TAS1R3: variants seen among roughly 807,000 people sequenced by gnomAD.
TAS1R3 encodes the protein taste receptor type 1 member 3.
A neutral mutation model predicts 46.1 loss-of-function variants in TAS1R3; 58 were observed. That is an observed-to-expected ratio of 1.26 (90% CI 1.02 to 1.57). TAS1R3 has a LOEUF of 1.57. Ranked by LOEUF, TAS1R3 falls within the 40% of genes most tolerant of loss-of-function variation. The probability of loss-of-function intolerance (pLI) is 0.00; values close to 1 mark genes in which losing one functional copy is unlikely to be tolerated. For synonymous variants in TAS1R3, 724 were observed against 544.7 expected (o/e 1.33, Z -4.58); for missense variants, 1,422 against 1,185.8 (o/e 1.20, Z -2.93).
In TAS1R3 at chr1:1,331,554, C is replaced by T. The variant is rs1216730520; in HGVS notation, c.191+18C>T. The T allele has an allele frequency of 1.9e-6, 3 of 1,597,496 alleles. No homozygotes were observed. The African/African-American group carries it at 4.0e-5, about 21-fold the overall frequency. On this transcript the variant is annotated intron_variant, in intron 1 of 5. Transcript: ENST00000339381. ...TGCACCAGGTACAGAGGTGGGACGG[C>T]CTGGGTCGGGGTCAGGGTGACCAGG... is the stretch of plus-strand genomic sequence containing the variant.
In TAS1R3 at chr1:1,331,457, G is replaced by T; in HGVS notation, c.112G>T (p.Gly38Trp). 6.2e-7 allele frequency: 1 copy of T among 1,605,804 alleles called. No homozygotes were observed. The stretch of plus-strand genomic sequence containing the variant: ...TAGGATGAAGGGGGACTACGTGCTG[G>T]GGGGGCTGTTCCCCCTGGGCGAGGC... ...QLRMKGDYVL[G>W]GLFPLGEAEE... is the part of the protein sequence containing the mutation. The change falls in exon 1 of 6, where the codon GGG (glycine) becomes TGG (tryptophan). Residue 38 changes from glycine (G) to tryptophan (W), a missense_variant. Gly to Trp is a radical substitution (Grantham distance 184). Coordinates refer to ENST00000339381, the MANE Select transcript of TAS1R3 (RefSeq NM_152228.3).
In TAS1R3 at chr1:1,333,096, A is replaced by T; in HGVS notation, c.1451A>T (p.Lys484Met). The change falls in exon 4 of 6, where the codon AAG becomes ATG. Residue 484 changes from lysine (K) to methionine (M), a missense_variant. Transcript: ENST00000339381. ...GGCAGCCTCAGGACAGAGCGCCTGA[A>T]GATCCGCTGGCACACGTCTGACAAC... ...FNGSLRTERL[K>M]IRWHTSDNQK... 1 of 1,612,286 alleles carries T rather than the reference A, an allele frequency of 6.2e-7. No individual in the cohort carries two copies. The highest frequency in any genetic ancestry group is 1.1e-5 in the South Asian group (1 of 91,074).
intron 5 of TAS1R3, 51 bp downstream of exon 5, chr1:1,333,430 C>T (rs1363675401): frequency 1.2e-6 from 2 of 1,607,914 alleles, no homozygotes; most frequent in Non-Finnish European, 1.7e-6. Context: ...GGGGAGGGTC[C>T]TGCCAAGTCC....
At position 1,332,720 on chromosome 1, in the gene TAS1R3, G is replaced by A. The variant is rs1643458539; in HGVS notation, c.1189G>A (p.Val397Met). The A allele has an allele frequency of 1.2e-6, 2 of 1,604,268 alleles. No individual in the cohort carries two copies. Among genetic ancestry groups the A allele is most frequent in the South Asian group, 1.1e-5 (1 of 91,040 alleles). ...CCAGACGTTCTCTGTCTACGCAGCT[G>A]TGTATAGCGTGGCCCAGGCCCTGCA... ...HHQTFSVYAA[V>M]YSVAQALHNT... The change falls in exon 3 of 6, where the codon GTG (valine) becomes ATG (methionine). Residue 397 changes from valine to methionine, a missense_variant. Coordinates refer to ENST00000339381, the MANE Select transcript of TAS1R3 (RefSeq NM_152228.3).
At position 1,333,931 on chromosome 1, in the gene TAS1R3, C is replaced by G; in HGVS notation, c.2026C>G (p.Leu676Val). The G allele has an allele frequency of 6.2e-7, 1 of 1,601,130 alleles. No homozygotes were observed. The highest frequency in any genetic ancestry group is 8.5e-7 in the Non-Finnish European group (1 of 1,179,786). The change falls in exon 6 of 6, where the codon CTG becomes GTG. Residue 676 changes from leucine to valine, a missense_variant. By Grantham distance (32) the Leu-to-Val change is conservative (BLOSUM62 1). Transcript: ENST00000339381. Reference protein sequence around the residue: ...LSWADRLSGCLRGPWAWLVVL... With the variant: ...LSWADRLSGCVRGPWAWLVVL... ...CTGGGCAGACCGGCTGAGTGGCTGC[C>G]TGCGGGGGCCCTGGGCCTGGCTGGT...
rs200330269 is a variant in TAS1R3 at position 1,331,945 on chromosome 1, G to GCCCCCCCCCCCTCCCCCC, written c.492+13_492+14insCCCCCTCCCCCCCCCCCC. 6.2e-7 allele frequency: 1 copy of GCCCCCCCCCCCTCCCCCC among 1,606,518 alleles called. No homozygotes were observed. Among genetic ancestry groups the GCCCCCCCCCCCTCCCCCC allele is most frequent in the African/African-American group, 1.4e-5 (1 of 73,366 alleles). ...CTTCTTCCTCATGCCCCAGGTGGGCGCCCCCCACCATCACCCACCCCCACC... is the reference window on the plus strand; with the variant it reads ...CTTCTTCCTCATGCCCCAGGTGGGCGCCCCCCCCCCCTCCCCCCCCCCCCACCATCACCCACCCCCACC... On this transcript the variant is annotated splice_region_variant and intron_variant, in intron 2 of 5. Coordinates refer to ENST00000339381, the MANE Select transcript of TAS1R3 (RefSeq NM_152228.3).
At position 1,333,672 on chromosome 1, in the gene TAS1R3, G is replaced by A. The variant is rs753694452; in HGVS notation, c.1767G>A (p.Leu589=). 1.2e-6 allele frequency: 2 copies of A among 1,611,954 alleles called. No homozygotes were observed. Among genetic ancestry groups the A allele is most frequent in the African/African-American group, 1.3e-5 (1 of 74,948 alleles). The change falls in exon 6 of 6, where the codon CTG becomes CTA. Residue 589 remains leucine, a synonymous_variant. Transcript: ENST00000339381. ...GCCTTGTGCTGGCTGCTTTGGGGCT[G>A]TTCGTTCACCATCGGGACAGCCCAC... ...ALGLVLAALG[L]FVHHRDSPLV... is the part of the protein sequence containing the mutation.
rs558380059 is a variant in TAS1R3 at position 1,333,279 on chromosome 1, G to A, written c.1500G>A (p.Ser500=). The change falls in exon 5 of 6, where the codon TCG becomes TCA. Residue 500 remains serine (S), a synonymous_variant. Transcript: ENST00000339381. ...SDNQKPVSRC[S]RQCQEGQVRR... is the part of the protein sequence containing the mutation. Reference sequence around the variant, plus strand: ...CGCAGAAGCCCGTGTCCCGGTGCTCGCGGCAGTGCCAGGAGGGCCAGGTGC... The same window carrying A: ...CGCAGAAGCCCGTGTCCCGGTGCTCACGGCAGTGCCAGGAGGGCCAGGTGC... 6.4e-5 allele frequency: 102 copies of A among 1,597,454 alleles called. No individual in the cohort carries two copies. The East Asian group carries it at 7.0e-4, about 11-fold the overall frequency.
At position 1,335,172 on chromosome 1, in the gene TAS1R3, G is replaced by A. The variant is rs1643530154; in HGVS notation, c.*708G>A. ...GGCCCACACAGGGTCTCCGGTCAGA[G>A]TCCCAGGGTCAGCTCCCAGCAGGGC... On this transcript the variant is annotated 3_prime_UTR_variant, in exon 6 of 6. Transcript: ENST00000339381. 1 of 152,334 alleles carries A rather than the reference G, an allele frequency of 6.6e-6. No homozygotes were observed. Among genetic ancestry groups the A allele is most frequent in the South Asian group, 2.1e-4 (1 of 4,844 alleles). The allele number at this position is 152,334 out of a possible 1,614,324, so 9.4% of individuals were successfully genotyped here.
rs1178845865 is a variant in TAS1R3, at chr1:1,331,423, A to G, written c.78A>G (p.Ser26=). The G allele has an allele frequency of 9.3e-6, 15 of 1,605,550 alleles. No individual in the cohort carries two copies. Among genetic ancestry groups the G allele is most frequent in the Non-Finnish European group, 1.2e-5 (14 of 1,176,900 alleles). Residue 26 remains serine, a synonymous_variant, in exon 1 of 6, where the codon TCA becomes TCG. Transcript: ENST00000339381. ...GGACGGGGGCCCCATTGTGCCTGTC[A>G]CAGCAACTTAGGATGAAGGGGGACT... ...HPGTGAPLCL[S]QQLRMKGDYV... is the part of the protein sequence containing the mutation.
chr1:1,332,331 G>A lies in TAS1R3; in HGVS notation c.800G>A (p.Ser267Asn). Residue 267 changes from serine to asparagine, a missense_variant, in exon 3 of 6, where the codon AGC becomes AAC. Physicochemically the swap from Ser to Asn is conservative, Grantham distance 46. Transcript: ENST00000339381. ...GTCCTGCACCAGGTGAACCAGAGCAGCGTGCAGGTGGTGCTGCTGTTCGCC... is the reference window on the plus strand; with the variant it reads ...GTCCTGCACCAGGTGAACCAGAGCAACGTGCAGGTGGTGCTGCTGTTCGCC... ...QDVLHQVNQS[S>N]VQVVLLFASV... is the part of the protein sequence containing the mutation. The A allele has an allele frequency of 6.2e-7, 1 of 1,607,222 alleles. No individual in the cohort carries two copies. The highest frequency in any genetic ancestry group is 2.2e-5 in the East Asian group (1 of 44,704).
chr1:1,333,214 G>A (rs1455358129), intron 4 of TAS1R3, 45 bp from the exon 5 acceptor site: 1 of 1,594,184 alleles, frequency 6.3e-7, no homozygotes, highest in East Asian at 2.3e-5. Context: ...AGTCTCCCGT[G>A]GGCATGCCCA....
chr1:1,334,232 TCTC>T lies in TAS1R3; in HGVS notation c.2330_2332del (p.Ser777del), dbSNP rs531899606. 1.5e-3 allele frequency: 2,336 copies of T among 1,610,836 alleles called. 6 individuals carry two copies. Among genetic ancestry groups the T allele is most frequent in the Non-Finnish European group, 1.8e-3 (2,092 of 1,179,192 alleles). On this transcript the variant is annotated inframe_deletion, in exon 6 of 6. Transcript: ENST00000339381. The stretch of plus-strand genomic sequence containing the variant: ...ATGCTGGCCTACTTCATCACCTGGG[TCTC>T]CTTTGTGCCCCTCCTGGCCAATGTG...
Position 1,332,086 on chromosome 1 carries a change from C to T in TAS1R3, c.555C>T (p.Arg185=). The T allele has an allele frequency of 1.2e-6, 2 of 1,601,872 alleles. No homozygotes were observed. Among genetic ancestry groups the T allele is most frequent in the African/African-American group, 1.3e-5 (1 of 75,038 alleles). The change falls in exon 3 of 6, where the codon CGC becomes CGT. Residue 185 remains arginine (R), a synonymous_variant. Transcript: ENST00000339381. ...GGGAGACCTTCCCCTCCTTCTTCCG[C>T]ACCGTGCCCAGCGACCGTGTGCAGC... ...SARETFPSFF[R]TVPSDRVQLT... is the part of the protein sequence containing the mutation.
chr1:1,333,994 AC>A lies in TAS1R3; in HGVS notation c.2091del (p.Trp698GlyfsTer11). 1 of 1,599,910 alleles carries A rather than the reference AC, an allele frequency of 6.3e-7. No individual in the cohort carries two copies. The highest frequency in any genetic ancestry group is 8.5e-7 in the Non-Finnish European group (1 of 1,179,750). On this transcript the variant is annotated frameshift_variant, in exon 6 of 6. Coordinates refer to ENST00000339381, the MANE Select transcript of TAS1R3 (RefSeq NM_152228.3). LOFTEE classifies it low-confidence loss of function (END_TRUNC). Reference sequence around the variant, plus strand: ...CATGCTGGTGGAGGTCGCACTGTGCACCTGGTACCTGGTGGCCTTCCCGCCG... The same window carrying A: ...CATGCTGGTGGAGGTCGCACTGTGCACTGGTACCTGGTGGCCTTCCCGCCG... Reference protein sequence around the residue: ...LAMLVEVALCTWYLVAFPPEV... With the variant: ...LAMLVEVALCXWYLVAFPPEV...
chr1:1,332,872 C>T (rs368546124), intron 3 of TAS1R3, 49 bp from the exon 4 acceptor site: 32 of 1,588,276 alleles, frequency 2.0e-5, no homozygotes, highest in Middle Eastern at 1.7e-4. Flanking sequence ...ACGGCCACCA[C>T]GCCTGAGCTG....
chr1:1,332,060 C>A lies in TAS1R3; in HGVS notation c.529C>A (p.Arg177=), dbSNP rs542634007. 6.2e-7 allele frequency: 1 copy of A among 1,605,206 alleles called. No individual in the cohort carries two copies. Among genetic ancestry groups the A allele is most frequent in the Non-Finnish European group, 8.5e-7 (1 of 1,179,888 alleles). ...TGCTAGCATGGAGCTGCTGAGCGCC[C>A]GGGAGACCTTCCCCTCCTTCTTCCG... ...YGASMELLSA[R]ETFPSFFRTV... The change falls in exon 3 of 6, where the codon CGG becomes AGG. Residue 177 remains arginine, a synonymous_variant. Coordinates refer to ENST00000339381, the MANE Select transcript of TAS1R3 (RefSeq NM_152228.3).
rs766214334 is a variant in TAS1R3, at chr1:1,334,268, T to G, written c.2363T>G (p.Val788Gly). The change falls in exon 6 of 6, where the codon GTC becomes GGC. Residue 788 changes from valine to glycine, a missense_variant. Val to Gly is a moderately radical substitution (Grantham distance 109). Transcript: ENST00000339381. ...CCCCTCCTGGCCAATGTGCAGGTGG[T>G]CCTCAGGCCCGCCGTGCAGATGGGC... ...FVPLLANVQV[V>G]LRPAVQMGAL... The G allele has an allele frequency of 6.2e-7, 1 of 1,611,894 alleles. No homozygotes were observed. Among genetic ancestry groups the G allele is most frequent in the Admixed American group, 1.7e-5 (1 of 59,930 alleles).
At position 1,333,117 on chromosome 1, in the gene TAS1R3, A is replaced by G. The variant is rs746577629; in HGVS notation, c.1472A>G (p.Asp491Gly). ...ERLKIRWHTS[D>G]NQKPVSRCSR... ...CTGAAGATCCGCTGGCACACGTCTG[A>G]CAACCAGGTGAGGTGAGGGTGGGTG... is the stretch of plus-strand genomic sequence containing the variant. Residue 491 changes from aspartate to glycine, a missense_variant, in exon 4 of 6, where the codon GAC becomes GGC. Physicochemically the swap from Asp to Gly is moderately conservative, Grantham distance 94. Transcript: ENST00000339381. 17 of 1,611,162 alleles carry G rather than the reference A, an allele frequency of 1.1e-5. No homozygotes were observed. Among genetic ancestry groups the G allele is most frequent in the African/African-American group, 2.7e-5 (2 of 74,914 alleles).
Sources: allele counts gnomAD v4.1 joint callset, GRCh38; gene constraint gnomAD v4.1.1; transcripts MANE v1.5; gene names NCBI Gene and HGNC (gene_info 2026-07-23, HGNC 2026-07-21).